The following OTOGL variants were observed in gnomAD, a reference collection of about 807,000 sequenced individuals.
The protein encoded by OTOGL is otogelin like, also known as otogelin-like protein.
In OTOGL, 285 loss-of-function variants were observed where a neutral mutation model predicts 318.5. The ratio of observed to expected loss-of-function variants is 0.89; its 90% CI spans 0.81 to 0.99. The LOEUF (loss-of-function observed/expected upper bound fraction) is 0.99, where lower values mean the gene tolerates loss of function less well. OTOGL is among the 50% of genes least tolerant of loss of function. The pLI, the probability that OTOGL is intolerant of heterozygous loss-of-function variation, is 0.00. For synonymous variants in OTOGL, 987 were observed against 936.5 expected (o/e 1.05, Z -0.99); for missense variants, 2,899 against 2,845.6 (o/e 1.02, Z -0.43).
At chr12:80,349,473 G>A (rs1374589347) in intron 44 of OTOGL, among the ~76,000 whole-genome samples, 1 of 152,022 alleles carries the variant, frequency 6.6e-6, no homozygotes, top group African/African-American at 2.4e-5. Context: ...TGACCATTGA[G>A]GATGGGATCT....
At chr12:80,220,865 G>C (rs777954044) in intron 6 of OTOGL, among the ~76,000 whole-genome samples, 4 of 152,096 alleles carry the variant, frequency 2.6e-5, no homozygotes, top group Admixed American at 2.0e-4. Context: ...AGTACAAGAT[G>C]CTATGAAAAA....
intron 23 of OTOGL, 140 bp from the exon 24 acceptor site, chr12:80,271,508 G>C (rs1405191200): frequency 1.5e-6 from 1 of 688,136 alleles, no homozygotes; most frequent in East Asian, 3.0e-5. Flanking sequence ...ATTCTAGTTA[G>C]TTACTGTCTT....
intron 4 of OTOGL, among the ~76,000 whole-genome samples, chr12:80,214,030 C>G (rs1877491164): frequency 6.6e-6 from 1 of 152,192 alleles, no homozygotes. Flanking sequence ...GATTTCCCAT[C>G]TAAAGACTGT....
At chr12:80,307,861 C>CG (rs1258285251) in intron 29 of OTOGL, among the ~76,000 whole-genome samples, 3 of 135,112 alleles carry the variant, frequency 2.2e-5, no homozygotes, top group African/African-American at 9.5e-5. Flanking sequence ...GCTGGCCGGG[C>CG]GGGGGGCTGA....
At position 80,358,691 on chromosome 12, in the gene OTOGL, C is replaced by T. The variant is rs1890058599; in HGVS notation, c.6142C>T (p.Pro2048Ser). Residue 2048 changes from proline to serine, a missense_variant, in exon 51 of 59, where the codon CCT (proline) becomes TCT (serine). Transcript: ENST00000547103. ...TTTAGTATGTGAACCAAACCTTTGT[C>T]CTATGCCATTACTCAACTGTGCAGA... ...YYCVCEPNLCPMPLLNCAEDM... is the reference protein window; with the variant it reads ...YYCVCEPNLCSMPLLNCAEDM... 3 of 1,612,524 alleles carry T rather than the reference C, an allele frequency of 1.9e-6. No individual in the cohort carries two copies.
chr12:80,173,232 G>A (rs981395693), intron 1 of OTOGL, among the ~76,000 whole-genome samples: 3 of 152,006 alleles, frequency 2.0e-5, no homozygotes, highest in East Asian at 3.9e-4. Flanking sequence ...TAAAGGAATG[G>A]CTACTCCACA....
chr12:80,172,714 C>T (rs139930366), intron 1 of OTOGL, among the ~76,000 whole-genome samples: 129 of 151,992 alleles, frequency 8.5e-4, no homozygotes, highest in African/African-American at 3.0e-3. Flanking sequence ...ATAAAAAGAA[C>T]GAGATCATAT....
chr12:80,102,992 G>A, intron 1 of OTOGL: 1 of 918,286 alleles, frequency 1.1e-6, no homozygotes, highest in South Asian at 1.3e-5. Context: ...TCTTTTTGCT[G>A]TCTTTGTCCA....
intron 1 of OTOGL, among the ~76,000 whole-genome samples, chr12:80,161,727 A>G (rs941594312): frequency 2.0e-5 from 3 of 152,128 alleles, no homozygotes; most frequent in Non-Finnish European, 2.9e-5. Flanking sequence ...GGATAAGAGG[A>G]CATTTTTAAG....
intron 1 of OTOGL, among the ~76,000 whole-genome samples, chr12:80,188,387 A>C (rs758004515): frequency 6.6e-6 from 1 of 151,794 alleles, no homozygotes; most frequent in Non-Finnish European, 1.5e-5. Flanking sequence ...AAAATACAAA[A>C]ATTAGCCGGG....
chr12:80,226,184 A>ACACACACG (rs1195904802), intron 7 of OTOGL, among the ~76,000 whole-genome samples: 1 of 134,490 alleles, frequency 7.4e-6, no homozygotes, highest in Non-Finnish European at 1.6e-5. Flanking sequence ...CCTAACACAC[A>ACACACACG]CACACACACA....
At chr12:80,328,951 C>G in intron 36 of OTOGL, 100 bp from the exon 37 acceptor site, 1 of 1,211,410 alleles carries the variant, frequency 8.3e-7, no homozygotes, top group Admixed American at 2.7e-5. Context: ...ATTCTTTTTC[C>G]CAAAACATTT....
At chr12:80,228,428 A>G (rs1879070900) in intron 7 of OTOGL, among the ~76,000 whole-genome samples, 1 of 152,116 alleles carries the variant, frequency 6.6e-6, no homozygotes, top group South Asian at 2.1e-4. Flanking sequence ...GGTGACAGAG[A>G]GAGGCTCTAT....
intron 1 of OTOGL, among the ~76,000 whole-genome samples, chr12:80,123,807 C>T (rs1456028621): frequency 6.6e-6 from 1 of 152,128 alleles, no homozygotes; most frequent in Non-Finnish European, 1.5e-5. Flanking sequence ...AGCATTTTTT[C>T]ATGTGTCTTT....
chr12:80,208,065 CAT>C (rs1876946188), intron 1 of OTOGL: 4 of 435,804 alleles, frequency 9.2e-6, no homozygotes, highest in Non-Finnish European at 1.4e-5. Flanking sequence ...TGTGTGTGTA[CAT>C]GTGTGTGTGC....
intron 11 of OTOGL, among the ~76,000 whole-genome samples, chr12:80,240,918 TCAC>T (rs1880320343): frequency 6.6e-6 from 1 of 152,102 alleles, no homozygotes; most frequent in Admixed American, 6.6e-5. Flanking sequence ...TTTCAAAACA[TCAC>T]CAAGTATATG....
chr12:80,217,033 G>T (rs1565904874), intron 4 of OTOGL, among the ~76,000 whole-genome samples: 1 of 152,178 alleles, frequency 6.6e-6, no homozygotes, highest in Non-Finnish European at 1.5e-5. Flanking sequence ...GAGCCTGAAG[G>T]TGACACACTG....
At chr12:80,178,879 G>A (rs1874722033) in intron 1 of OTOGL, among the ~76,000 whole-genome samples, 1 of 152,126 alleles carries the variant, frequency 6.6e-6, no homozygotes, top group African/African-American at 2.4e-5. Flanking sequence ...TGCCTAGTGT[G>A]GAAATTAAGG....
At chr12:80,368,355 G>T (rs1468158065) in intron 55 of OTOGL, 46 bp downstream of exon 55, 3 of 1,444,118 alleles carry the variant, frequency 2.1e-6, no homozygotes, top group Non-Finnish European at 2.8e-6. Flanking sequence ...TCTGAAGGAG[G>T]AGTTCTTGAG....
Sources: gnomAD v4.1 joint callset for allele counts (sites outside exome capture counted in the v4.1 genomes callset) on GRCh38, gnomAD v4.1.1 for gene constraint, MANE v1.5 for transcripts, NCBI Gene and HGNC (gene_info 2026-07-23, HGNC 2026-07-21) for gene names.